The following GALNTL6 variants were observed in gnomAD, a reference collection of about 807,000 sequenced individuals.
The protein encoded by GALNTL6 is polypeptide N-acetylgalactosaminyltransferase-like 6.
In GALNTL6, 46 loss-of-function variants were observed where a neutral mutation model predicts 73.7. The ratio of observed to expected loss-of-function variants is 0.62; its 90% CI spans 0.49 to 0.80. The LOEUF (loss-of-function observed/expected upper bound fraction) is 0.80. GALNTL6 is among the 30% of genes least tolerant of loss of function. The pLI is 0.00. For synonymous variants in GALNTL6, 259 were observed against 263.7 expected, an observed-to-expected ratio of 0.98 and a Z score of 0.17; for missense variants, 604 against 755.0, an observed-to-expected ratio of 0.80 and a Z score of 2.34.
intron 4 of GALNTL6, among the ~76,000 whole-genome samples, chr4:172,324,327 A>G (rs1375094241): frequency 1.3e-5 from 2 of 151,942 alleles, no homozygotes; most frequent in Non-Finnish European, 2.9e-5. Flanking sequence ...ATATATTTGA[A>G]GCCAATCATG....
chr4:172,763,991 C>T (rs1443278956), intron 5 of GALNTL6, among the ~76,000 whole-genome samples: 3 of 146,778 alleles, frequency 2.0e-5, no homozygotes, highest in Non-Finnish European at 4.5e-5. Flanking sequence ...GGAGTTTCAC[C>T]CTTGTTGCCA....
At chr4:172,851,016 C>T (rs759344956) in intron 7 of GALNTL6, among the ~76,000 whole-genome samples, 6 of 152,132 alleles carry the variant, frequency 3.9e-5, no homozygotes, top group Non-Finnish European at 7.4e-5. Context: ...AGTTTCATCA[C>T]ATAGGCATGA....
intron 2 of GALNTL6, among the ~76,000 whole-genome samples, chr4:172,229,333 C>T (rs1356395469): frequency 6.6e-6 from 1 of 152,090 alleles, no homozygotes; most frequent in East Asian, 1.9e-4. Context: ...GGTAGCATTA[C>T]CAATATTTAC....
intron 5 of GALNTL6, among the ~76,000 whole-genome samples, chr4:172,698,736 G>A (rs1733841027): frequency 6.6e-6 from 1 of 152,150 alleles, no homozygotes; most frequent in Non-Finnish European, 1.5e-5. Flanking sequence ...GTTTCCTAAG[G>A]AGGTATCCTC....
At chr4:172,445,713 T>C (rs1376729962) in intron 5 of GALNTL6, among the ~76,000 whole-genome samples, 2 of 152,192 alleles carry the variant, frequency 1.3e-5, no homozygotes, top group Non-Finnish European at 2.9e-5. Flanking sequence ...TACTGAGAGC[T>C]AATTATGTCA....
intron 2 of GALNTL6, among the ~76,000 whole-genome samples, chr4:171,824,077 T>TA (rs1734757504): frequency 7.7e-6 from 1 of 129,218 alleles, no homozygotes; most frequent in African/African-American, 3.1e-5. Context: ...CAAATCCATT[T>TA]TATATATATA....
intron 2 of GALNTL6, among the ~76,000 whole-genome samples, chr4:171,935,563 C>A (rs913242518): frequency 6.6e-6 from 1 of 151,994 alleles, no homozygotes; most frequent in Non-Finnish European, 1.5e-5. Context: ...CTTGACTGTC[C>A]GGCTCAAGCA....
At chr4:171,915,053 G>A (rs867771839) in intron 2 of GALNTL6, among the ~76,000 whole-genome samples, 15 of 152,024 alleles carry the variant, frequency 9.9e-5, no homozygotes, top group South Asian at 4.2e-4. Context: ...ACAGGATATC[G>A]ATACAGATTT....
At chr4:172,316,228 G>C (rs1740537513) in intron 4 of GALNTL6, among the ~76,000 whole-genome samples, 1 of 152,122 alleles carries the variant, frequency 6.6e-6, no homozygotes, top group Non-Finnish European at 1.5e-5. Flanking sequence ...TAGGAGAGTT[G>C]AGGTAGGCTT....
chr4:171,954,368 T>A (rs951011319), intron 2 of GALNTL6, among the ~76,000 whole-genome samples: 11 of 152,162 alleles, frequency 7.2e-5, no homozygotes, highest in Non-Finnish European at 1.5e-5. Context: ...TGCCTACTTA[T>A]AAGAAAATGA....
At chr4:171,988,675 G>A (rs934707733) in intron 2 of GALNTL6, among the ~76,000 whole-genome samples, 1 of 152,150 alleles carries the variant, frequency 6.6e-6, no homozygotes, top group South Asian at 2.1e-4. Flanking sequence ...GGTAAAATGG[G>A]GGAATGGTAA....
intron 5 of GALNTL6, among the ~76,000 whole-genome samples, chr4:172,771,551 G>T (rs1738761339): frequency 6.6e-6 from 1 of 152,144 alleles, no homozygotes; most frequent in African/African-American, 2.4e-5. Flanking sequence ...GGAAGACTTT[G>T]ATTTCCTGTG....
chr4:172,898,318 ACACACACG>A (rs991697362), intron 8 of GALNTL6, among the ~76,000 whole-genome samples: 3 of 147,714 alleles, frequency 2.0e-5, no homozygotes, highest in Non-Finnish European at 4.5e-5. Context: ...ACACACACAC[ACACACACG>A]TATAAGATAA....
At chr4:172,618,305 A>G (rs111312320) in intron 5 of GALNTL6, among the ~76,000 whole-genome samples, 11 of 152,314 alleles carry the variant, frequency 7.2e-5, no homozygotes, top group African/African-American at 2.2e-4. Context: ...ATTTTCTGCC[A>G]TAATATGATA....
intron 4 of GALNTL6, among the ~76,000 whole-genome samples, chr4:172,347,619 A>G: frequency 6.6e-6 from 1 of 151,704 alleles, no homozygotes; most frequent in Admixed American, 6.6e-5. Context: ...ATCTTACTAC[A>G]CTCCCATGGA....
chr4:172,238,689 G>A (rs1300381262), intron 3 of GALNTL6, among the ~76,000 whole-genome samples: 1 of 152,064 alleles, frequency 6.6e-6, no homozygotes, highest in Non-Finnish European at 1.5e-5. Context: ...AGTTTTCAAG[G>A]GTGATGCTTC....
chr4:172,311,175 C>T (rs1740344463), intron 3 of GALNTL6, among the ~76,000 whole-genome samples: 1 of 151,906 alleles, frequency 6.6e-6, no homozygotes, highest in Admixed American at 6.6e-5. Flanking sequence ...CTGTGAAAAG[C>T]AAAGATGTTC....
chr4:172,701,637 T>C (rs1437424358), intron 5 of GALNTL6, among the ~76,000 whole-genome samples: 1 of 152,092 alleles, frequency 6.6e-6, no homozygotes, highest in Non-Finnish European at 1.5e-5. Context: ...ATAATCGGAA[T>C]AGGACCTCAA....
chr4:172,031,112 A>T (rs1741753681), intron 2 of GALNTL6, among the ~76,000 whole-genome samples: 1 of 152,062 alleles, frequency 6.6e-6, no homozygotes, highest in Non-Finnish European at 1.5e-5. Context: ...TCTTTTTATG[A>T]TCCCAGCCAT....
Sources: allele counts gnomAD v4.1 joint callset (sites outside exome capture counted in the v4.1 genomes callset), GRCh38; gene constraint gnomAD v4.1.1; transcripts MANE v1.5; gene names NCBI Gene and HGNC (gene_info 2026-07-23, HGNC 2026-07-21).